The following RBM27 variants were observed in gnomAD, a reference collection of about 807,000 sequenced individuals.
RBM27 encodes RNA binding motif protein 27.
RBM27 carries 22 observed loss-of-function variants against 135.3 expected under a neutral mutation model. That is an observed-to-expected ratio of 0.16 (90% CI 0.12 to 0.23). The LOEUF (loss-of-function observed/expected upper bound fraction) is 0.23. Among genes scored for constraint, RBM27 ranks in the 10% least tolerant of loss-of-function variants. RBM27 has a pLI of 1.00. For synonymous variants in RBM27, 481 were observed against 442.4 expected (o/e 1.09, Z -1.10); for missense variants, 1,009 against 1,281.0 (o/e 0.79, Z 3.24).
At chr5:146,258,066 G>T (rs925988515) in intron 10 of RBM27, among the ~76,000 whole-genome samples, 3 of 151,984 alleles carry the variant, frequency 2.0e-5, no homozygotes, top group African/African-American at 7.2e-5. Flanking sequence ...TGATCCGCCC[G>T]CCTCGGCCTC....
In RBM27 at chr5:146,263,476, A is replaced by G. The variant is rs968862522; in HGVS notation, c.2191-15A>G. 1 of 1,607,324 alleles carries G rather than the reference A, an allele frequency of 6.2e-7. No homozygotes were observed. Among genetic ancestry groups the G allele is most frequent in the African/African-American group, 1.3e-5 (1 of 74,744 alleles). On this transcript the variant is annotated splice_polypyrimidine_tract_variant and intron_variant, in intron 13 of 20. Transcript: ENST00000265271. ...TTAAACTTCTGCCACATAAGTGTTC[A>G]TTTTGTATGTGCAGATGATGAGCAA...
intron 8 of RBM27, among the ~76,000 whole-genome samples, chr5:146,242,006 G>T (rs1454725007): frequency 6.6e-6 from 1 of 151,990 alleles, no homozygotes; most frequent in Non-Finnish European, 1.5e-5. Context: ...GCCCAGGCTG[G>T]TCTCAAACTG....
chr5:146,212,021 C>T (rs1755980868), intron 1 of RBM27, among the ~76,000 whole-genome samples: 1 of 151,938 alleles, frequency 6.6e-6, no homozygotes, highest in Admixed American at 6.6e-5. Flanking sequence ...TTATATATTG[C>T]TTTTATAACC....
chr5:146,277,750 T>C (rs1397974784), intron 19 of RBM27, among the ~76,000 whole-genome samples: 1 of 150,682 alleles, frequency 6.6e-6, no homozygotes, highest in East Asian at 2.0e-4. Flanking sequence ...GTCAGGCTGG[T>C]CTCAAACTCC....
chr5:146,217,213 C>T (rs868549258), intron 1 of RBM27, among the ~76,000 whole-genome samples: 3 of 150,260 alleles, frequency 2.0e-5, no homozygotes, highest in Non-Finnish European at 3.0e-5. Context: ...GTGATCCCCC[C>T]GCCTTGGCCT....
intron 8 of RBM27, among the ~76,000 whole-genome samples, chr5:146,245,791 A>C (rs952623094): frequency 6.6e-6 from 1 of 152,246 alleles, no homozygotes; most frequent in South Asian, 2.1e-4. Flanking sequence ...CGCATTCTTT[A>C]TGAGAATCTA....
intron 1 of RBM27, among the ~76,000 whole-genome samples, chr5:146,215,130 A>C (rs937499706): frequency 3.9e-5 from 6 of 152,026 alleles, no homozygotes; most frequent in African/African-American, 1.2e-4. Context: ...GCTTGCTGCA[A>C]CCTCTGCCTC....
Position 146,223,391 on chromosome 5 carries a change from TC to T in RBM27, c.179-11del. On this transcript the variant is annotated splice_polypyrimidine_tract_variant and intron_variant, in intron 2 of 20. Coordinates refer to ENST00000265271, the MANE Select transcript of RBM27 (RefSeq NM_018989.2). ...GTTTGCGCAATATGTAAATGTTATT[TC>T]TTCTCCTTAGAAACTTCAGGTTTTG... 1 of 1,573,390 alleles carries T rather than the reference TC, an allele frequency of 6.4e-7. No individual in the cohort carries two copies. Among genetic ancestry groups the T allele is most frequent in the South Asian group, 1.2e-5 (1 of 83,692 alleles).
chr5:146,217,562 A>G (rs1474412605), intron 1 of RBM27, among the ~76,000 whole-genome samples: 3 of 142,798 alleles, frequency 2.1e-5, no homozygotes, highest in Admixed American at 7.5e-5. Context: ...GCAACCTCCA[A>G]CTCCTGGGCT....
rs1008593387 is a variant in RBM27 at position 146,288,223 on chromosome 5, G to T, written c.*2193G>T. 6.6e-6 allele frequency: 1 copy of T among 151,722 alleles called. No individual in the cohort carries two copies. Among genetic ancestry groups the T allele is most frequent in the Non-Finnish European group, 1.5e-5 (1 of 67,830 alleles). The allele number at this position is 151,722 out of a possible 1,614,324, so 9.4% of individuals were successfully genotyped here. On this transcript the variant is annotated 3_prime_UTR_variant, in exon 21 of 21. Transcript: ENST00000265271. ...AGATTCCTTTTCATATGATTTTTTT[G>T]ACCTCAAAATGGACATCTTATTTCA...
At chr5:146,283,094 T>C (rs1004450277) in intron 19 of RBM27, among the ~76,000 whole-genome samples, 13 of 152,182 alleles carry the variant, frequency 8.5e-5, no homozygotes, top group Non-Finnish European at 1.8e-4. Flanking sequence ...CTTTTTCTGT[T>C]TATAAAAGTA....
At chr5:146,252,842 G>C (rs1169939082) in intron 9 of RBM27, among the ~76,000 whole-genome samples, 1 of 152,050 alleles carries the variant, frequency 6.6e-6, no homozygotes, top group Non-Finnish European at 1.5e-5. Flanking sequence ...ACTGTCTTTA[G>C]TTGTCTTAAA....
chr5:146,214,964 A>G (rs1276506144), intron 1 of RBM27, among the ~76,000 whole-genome samples: 1 of 152,192 alleles, frequency 6.6e-6, no homozygotes, highest in East Asian at 1.9e-4. Flanking sequence ...GCACTATCAT[A>G]TCAAAATGTG....
At position 146,258,577 on chromosome 5, in the gene RBM27, A is replaced by C; in HGVS notation, c.1723A>C (p.Lys575Gln). Residue 575 changes from lysine to glutamine, a missense_variant, in exon 11 of 21, where the codon AAA (lysine) becomes CAA (glutamine). Coordinates refer to ENST00000265271, the MANE Select transcript of RBM27 (RefSeq NM_018989.2). ...MSGLEGPLTKKPWLGKQGNNN... is the reference protein window; with the variant it reads ...MSGLEGPLTKQPWLGKQGNNN... The stretch of plus-strand genomic sequence containing the variant: ...TGGTTTGGAAGGGCCACTCACAAAG[A>C]AACCTTGGCTGGGAAAGTAAGATAA... The C allele has an allele frequency of 6.4e-7, 1 of 1,571,438 alleles. No individual in the cohort carries two copies. The highest frequency in any genetic ancestry group is 8.6e-7 in the Non-Finnish European group (1 of 1,161,610).
At chr5:146,271,254 G>A (rs1409812072) in intron 18 of RBM27, among the ~76,000 whole-genome samples, 196 bp downstream of exon 18, 1 of 152,086 alleles carries the variant, frequency 6.6e-6, no homozygotes, top group Non-Finnish European at 1.5e-5. Context: ...TACAAAATTA[G>A]CCAGGCATGG....
intron 8 of RBM27, among the ~76,000 whole-genome samples, chr5:146,242,829 C>G (rs914065159): frequency 6.6e-6 from 1 of 152,046 alleles, no homozygotes; most frequent in African/African-American, 2.4e-5. Flanking sequence ...AACTCCCGAC[C>G]TCAGGTGATC....
At chr5:146,271,718 C>A (rs762444957) in intron 19 of RBM27, 44 bp downstream of exon 19, 1 of 1,518,470 alleles carries the variant, frequency 6.6e-7, no homozygotes, top group South Asian at 1.2e-5. Context: ...AAACACTGTG[C>A]TCATCATTTT....
At chr5:146,276,369 A>C (rs904085147) in intron 19 of RBM27, among the ~76,000 whole-genome samples, 1 of 152,228 alleles carries the variant, frequency 6.6e-6, no homozygotes, top group Admixed American at 6.5e-5. Context: ...GTTTATCTCT[A>C]AAGTACTGTT....
intron 1 of RBM27, among the ~76,000 whole-genome samples, chr5:146,207,441 C>T (rs935692223): frequency 1.3e-5 from 2 of 151,802 alleles, no homozygotes; most frequent in Non-Finnish European, 2.9e-5. Context: ...GTCTTGAACT[C>T]CTGACCTTGT....
Sources: gnomAD v4.1 joint callset for allele counts (sites outside exome capture counted in the v4.1 genomes callset) on GRCh38, gnomAD v4.1.1 for gene constraint, MANE v1.5 for transcripts, NCBI Gene and HGNC (gene_info 2026-07-23, HGNC 2026-07-21) for gene names.